Variants in SLC7A14 observed in about 807,000 individuals in gnomAD.
SLC7A14 encodes solute carrier family 7 member 14.
In SLC7A14, 37 loss-of-function variants were observed where a neutral mutation model predicts 60.2. The observed-to-expected ratio is 0.61, with a 90% CI of 0.47 to 0.81. The LOEUF (loss-of-function observed/expected upper bound fraction) is 0.81. Ranked by LOEUF, SLC7A14 falls within the 30% of genes least tolerant of loss-of-function variation. The probability of loss-of-function intolerance (pLI) is 0.00; values close to 1 mark genes in which losing one functional copy is unlikely to be tolerated. For synonymous variants in SLC7A14, 399 were observed against 395.8 expected (o/e 1.01, Z -0.10); for missense variants, 886 against 982.7 (o/e 0.90, Z 1.32).
chr3:170,534,493 G>C, intron 1 of SLC7A14, among the ~76,000 whole-genome samples: 1 of 152,252 alleles, frequency 6.6e-6, no homozygotes, highest in South Asian at 2.1e-4. Context: ...TATGAAGGAG[G>C]ATGTAAACAG....
At chr3:170,571,587 G>A (rs1274613823) in intron 1 of SLC7A14, among the ~76,000 whole-genome samples, 1 of 152,040 alleles carries the variant, frequency 6.6e-6, no homozygotes, top group Non-Finnish European at 1.5e-5. Flanking sequence ...TTTTATTTTA[G>A]CAACAATATT....
At chr3:170,501,074 T>C in intron 3 of SLC7A14, 35 bp downstream of exon 3, 1 of 1,602,926 alleles carries the variant, frequency 6.2e-7, no homozygotes, top group Non-Finnish European at 8.5e-7. Context: ...TTGGTAAGTT[T>C]GCATGTTGAG....
rs1346167939 is a variant in SLC7A14 at position 170,480,813 on chromosome 3, C to G, written c.1469G>C (p.Gly490Ala). 1 of 1,614,012 alleles carries G rather than the reference C, an allele frequency of 6.2e-7. No homozygotes were observed. Among genetic ancestry groups the G allele is most frequent in the Non-Finnish European group, 8.5e-7 (1 of 1,180,046 alleles). ...TTTCCCTATGAGCATCTCATTGTCTCCCAAGGATGGTAAGTTCTTGGCCCC... is the reference window on the plus strand; with the variant it reads ...TTTCCCTATGAGCATCTCATTGTCTGCCAAGGATGGTAAGTTCTTGGCCCC... ...TCGAKNLPSLGDNEMLIGKSD... is the reference protein window; with the variant it reads ...TCGAKNLPSLADNEMLIGKSD... The change falls in exon 7 of 8, where the codon GGA becomes GCA. Residue 490 changes from glycine to alanine, a missense_variant. Transcript: ENST00000231706.
chr3:170,467,131 G>T lies in SLC7A14; in HGVS notation c.2240C>A (p.Ala747Glu). 1.2e-6 allele frequency: 2 copies of T among 1,614,170 alleles called. No individual in the cohort carries two copies. Among genetic ancestry groups the T allele is most frequent in the Non-Finnish European group, 1.7e-6 (2 of 1,180,036 alleles). ...AKANGRTSSK[A>E]KSKSKHKQNS... Reference sequence around the variant, plus strand: ...CTGTTTGTGTTTGCTTTTGCTCTTCGCTTTGCTACTTGTCCGGCCGTTTGC... The same window carrying T: ...CTGTTTGTGTTTGCTTTTGCTCTTCTCTTTGCTACTTGTCCGGCCGTTTGC... The change falls in exon 8 of 8, where the codon GCG (alanine) becomes GAG (glutamate). Residue 747 changes from alanine (A) to glutamate (E), a missense_variant. Transcript: ENST00000231706.
chr3:170,529,739 A>G (rs1713617610), intron 1 of SLC7A14, among the ~76,000 whole-genome samples: 1 of 152,202 alleles, frequency 6.6e-6, no homozygotes, highest in African/African-American at 2.4e-5. Context: ...ATCATTATAG[A>G]TGAAATTAGT....
chr3:170,483,171 CT>C, intron 6 of SLC7A14, 142 bp downstream of exon 6: 1 of 964,528 alleles, frequency 1.0e-6, no homozygotes. Context: ...GTTACTCAGA[CT>C]TTTCTTCAGG....
chr3:170,483,202 G>A, intron 6 of SLC7A14, 112 bp downstream of exon 6: 2 of 1,260,054 alleles, frequency 1.6e-6, no homozygotes, highest in South Asian at 2.6e-5. Context: ...AAGGTCCACA[G>A]TCCATGTGAA....
intron 2 of SLC7A14, 132 bp from the exon 3 acceptor site, chr3:170,501,477 GA>G: frequency 1.3e-6 from 1 of 743,246 alleles, no homozygotes; most frequent in Non-Finnish European, 2.2e-6. Flanking sequence ...TTATGTATAT[GA>G]ATCGATTCAG....
intron 1 of SLC7A14, among the ~76,000 whole-genome samples, chr3:170,584,436 C>T (rs113508094): frequency 1.9e-4 from 29 of 152,298 alleles, no homozygotes; most frequent in African/African-American, 5.8e-4. Flanking sequence ...GGAAGTCTCA[C>T]TGCTCAGGTA....
chr3:170,481,518 C>T (rs111393609), intron 6 of SLC7A14, among the ~76,000 whole-genome samples: 5,733 of 151,656 alleles, frequency 0.038, 273 homozygotes, highest in African/African-American at 0.11. Flanking sequence ...TCTCCTGCCT[C>T]AGCCTCCCGA....
chr3:170,569,757 G>C (rs1470355302), intron 1 of SLC7A14, among the ~76,000 whole-genome samples: 3 of 152,054 alleles, frequency 2.0e-5, no homozygotes. Context: ...ATGTGTCCAG[G>C]AATTTATCCA....
rs1713703213 is a variant in SLC7A14 at position 170,532,321 on chromosome 3, A to G, written c.-152-5233T>C. Among the ~76,000 whole-genome samples the G allele has an allele frequency of 1.3e-5, 2 of 152,228 alleles. No homozygotes were observed. The highest frequency in any genetic ancestry group is 4.1e-4 in the South Asian group (2 of 4,820). On this transcript the variant is annotated intron_variant, in intron 1 of 7. Coordinates refer to ENST00000231706, the MANE Select transcript of SLC7A14 (RefSeq NM_020949.3). The surrounding 1 kb of genome is among the most constrained non-coding windows in gnomAD (Gnocchi z 4.0). ...ACTGTGGGATCTGAGGACCCTTCTG[A>G]GGTCTCTGCCCACTCCCGCATCCAG...
chr3:170,510,411 A>T (rs1712942020), intron 2 of SLC7A14, among the ~76,000 whole-genome samples: 1 of 150,658 alleles, frequency 6.6e-6, no homozygotes, highest in Non-Finnish European at 1.5e-5. Flanking sequence ...TAAATAAATA[A>T]ATAAATAAAT....
chr3:170,526,808 C>T lies in SLC7A14; in HGVS notation c.129G>A (p.Thr43=), dbSNP rs573770529. ...CCTGGGCTAGCTTAGTTCCATGTGC[C>T]GTGGTGGTCCCAGTTCCCTCTAGCA... ...ESMLEGTGTT[T]AHGTKLAQVL... The change falls in exon 2 of 8, where the codon ACG becomes ACA. Residue 43 remains threonine, a synonymous_variant. Transcript: ENST00000231706. 18 of 1,614,166 alleles carry T rather than the reference C, an allele frequency of 1.1e-5. No individual in the cohort carries two copies. In the East Asian group the frequency reaches 3.1e-4, roughly 28 times the overall value.
At chr3:170,563,417 G>GTTTTTTTT (rs67991294) in intron 1 of SLC7A14, among the ~76,000 whole-genome samples, 2 of 111,910 alleles carry the variant, frequency 1.8e-5, no homozygotes, top group African/African-American at 3.1e-5. Flanking sequence ...TTGTTTGTTT[G>GTTTTTTTT]TTTTTTTTTT....
chr3:170,478,130 T>C (rs914967754), intron 7 of SLC7A14, among the ~76,000 whole-genome samples: 1 of 152,136 alleles, frequency 6.6e-6, no homozygotes, highest in Non-Finnish European at 1.5e-5. Flanking sequence ...CAGGCTAGAG[T>C]GCAGTGGTGT....
Position 170,578,589 on chromosome 3 carries a change from G to A in SLC7A14, c.-153+7322C>T, listed in dbSNP as rs571106083. 1.9e-3 allele frequency among the ~76,000 whole-genome samples: 296 copies of A among 152,308 alleles called. 1 individual carries two copies. The highest frequency in any genetic ancestry group is 3.2e-3 in the Non-Finnish European group (216 of 68,024). ...GGTTTCTCATCTGTAAAATGGCGATGATAGCATTACCAACCTTATAAAGTC... is the reference window on the plus strand; with the variant it reads ...GGTTTCTCATCTGTAAAATGGCGATAATAGCATTACCAACCTTATAAAGTC... On this transcript the variant is annotated intron_variant, in intron 1 of 7. Transcript: ENST00000231706.
At chr3:170,475,988 C>A (rs1711600744) in intron 7 of SLC7A14, among the ~76,000 whole-genome samples, 2 of 152,198 alleles carry the variant, frequency 1.3e-5, no homozygotes, top group Non-Finnish European at 2.9e-5. Context: ...GCTGGGATTA[C>A]AGGCATGAGC....
At chr3:170,583,845 C>T (rs1169586626) in intron 1 of SLC7A14, among the ~76,000 whole-genome samples, 1 of 152,118 alleles carries the variant, frequency 6.6e-6, no homozygotes, top group African/African-American at 2.4e-5. Flanking sequence ...GGTGGGAGTG[C>T]ATGACAGTGA....
Sources: allele counts gnomAD v4.1 joint callset (sites outside exome capture counted in the v4.1 genomes callset), GRCh38; gene constraint gnomAD v4.1.1; non-coding constraint Gnocchi (gnomAD v3.1); transcripts MANE v1.5; gene names NCBI Gene and HGNC (gene_info 2026-07-23, HGNC 2026-07-21).